Variants in MYH7B observed in about 807,000 individuals in gnomAD.
MYH7B encodes the protein myosin heavy chain 7B.
Under a neutral mutation model 234.5 loss-of-function variants are expected in MYH7B, and 205 were observed. That is an observed-to-expected ratio of 0.87 (90% CI 0.78 to 0.98). The LOEUF is 0.98. MYH7B is among the 50% of genes least tolerant of loss of function. MYH7B has a pLI of 0.00. For missense variants in MYH7B, 2,652 were observed against 2,633.4 expected (o/e 1.01, Z -0.15); for synonymous variants, 1,193 against 1,105.0 (o/e 1.08, Z -1.58).
intron 24 of MYH7B, 147 bp downstream of exon 24, chr20:34,991,268 C>G (rs1406372921): frequency 1.6e-6 from 1 of 621,564 alleles, no homozygotes; most frequent in East Asian, 2.8e-5. Flanking sequence ...CCCAGCAAGA[C>G]ATGGGGGTGG....
intron 8 of MYH7B, 23 bp from the exon 9 acceptor site, chr20:34,981,010 C>G: frequency 6.2e-7 from 1 of 1,614,118 alleles, no homozygotes; most frequent in Non-Finnish European, 8.5e-7. Flanking sequence ...GCTGACTTCT[C>G]TATCCCCTTC....
At chr20:34,979,081 A>C (rs1053497937) in intron 5 of MYH7B, among the ~76,000 whole-genome samples, 1 of 152,132 alleles carries the variant, frequency 6.6e-6, no homozygotes, top group African/African-American at 2.4e-5. Context: ...AACATTTTGC[A>C]TGTGAGGGAA....
In MYH7B at chr20:34,990,111, C is replaced by T. The variant is rs558187887; in HGVS notation, c.1865C>T (p.Ala622Val). The change falls in exon 21 of 45, where the codon GCG becomes GTG. Residue 622 changes from alanine (A) to valine (V), a missense_variant. Around this residue, in one of 3 missense-constraint regions of MYH7B, gnomAD observed 2,279 missense variants for 2,211.4 expected, o/e 1.03. Transcript: ENST00000262873. ...CAGAAGTCACAGAATAGGCTCCTGGCGACTCTCTATGAGAATTATGCGGGC... is the reference window on the plus strand; with the variant it reads ...CAGAAGTCACAGAATAGGCTCCTGGTGACTCTCTATGAGAATTATGCGGGC... 3.5e-5 allele frequency: 57 copies of T among 1,614,094 alleles called. No individual in the cohort carries two copies. Among genetic ancestry groups the T allele is most frequent in the South Asian group, 2.9e-4 (26 of 91,080 alleles).
intron 4 of MYH7B, 102 bp downstream of exon 4, chr20:34,977,782 G>C: frequency 6.6e-7 from 1 of 1,505,690 alleles, no homozygotes; most frequent in African/African-American, 1.4e-5. Flanking sequence ...AATCTGGAGT[G>C]GAGGAAGCCC....
intron 9 of MYH7B, 104 bp from the exon 10 acceptor site, chr20:34,982,355 G>C: frequency 3.1e-6 from 3 of 952,742 alleles, no homozygotes; most frequent in Admixed American, 4.0e-5. Flanking sequence ...GTTTCAAGCT[G>C]GGGGGAAGGA....
At chr20:34,999,064 T>C (rs1172477730) in exon 36 of MYH7B, 1 of 1,608,804 alleles carries the variant, frequency 6.2e-7, no homozygotes, top group Non-Finnish European at 8.5e-7. Context: ...AGAAAAAAGC[T>C]GGCACTGCGG....
At chr20:35,000,482 C>G in exon 39 of MYH7B, 1 of 1,600,936 alleles carries the variant, frequency 6.2e-7, no homozygotes, top group South Asian at 1.1e-5. Context: ...AGGCACAGCT[C>G]AAGGAGGAGC....
rs1051100352 is a variant in MYH7B at position 34,978,305 on chromosome 20, G to T, written c.91+209G>T. Among the ~76,000 whole-genome samples, 3 of 152,252 alleles carry T rather than the reference G, an allele frequency of 2.0e-5. No individual in the cohort carries two copies. In the East Asian group the frequency reaches 5.8e-4, roughly 29 times the overall value. Reference sequence around the variant, plus strand: ...CACTGTGTGTCTGTGAGCAAGCCTTGGTTTGTTCCCCTGTGAAATGGGATA... The same window carrying T: ...CACTGTGTGTCTGTGAGCAAGCCTTTGTTTGTTCCCCTGTGAAATGGGATA... On this transcript the variant is annotated intron_variant, in intron 5 of 44. Transcript: ENST00000262873.
chr20:35,000,115 G>A (rs562005715), intron 38 of MYH7B, among the ~76,000 whole-genome samples, 178 bp from the exon 39 acceptor site: 214 of 152,282 alleles, frequency 1.4e-3, no homozygotes, highest in Admixed American at 2.7e-3. Flanking sequence ...GTCTGCCTGG[G>A]CCTCACTCTT....
At chr20:34,988,319 A>C in intron 19 of MYH7B, 57 bp downstream of exon 19, 1 of 1,558,092 alleles carries the variant, frequency 6.4e-7, no homozygotes, top group South Asian at 1.2e-5. Context: ...GTGAGCAAGC[A>C]GGGATGGATG....
intron 2 of MYH7B, among the ~76,000 whole-genome samples, chr20:34,971,624 G>A (rs564015661): frequency 6.6e-6 from 1 of 152,206 alleles, no homozygotes; most frequent in Admixed American, 6.5e-5. Flanking sequence ...CCCCTTTCTG[G>A]GCCTCACCAC....
At chr20:34,979,333 T>A (rs2081903924) in intron 5 of MYH7B, 57 bp from the exon 6 acceptor site, 1 of 1,400,100 alleles carries the variant, frequency 7.1e-7, no homozygotes, top group Admixed American at 2.0e-5. Context: ...GAACTCCAGC[T>A]AGAACCTGGA....
chr20:34,990,439 C>A, intron 22 of MYH7B, 129 bp downstream of exon 22: 1 of 1,018,576 alleles, frequency 9.8e-7, no homozygotes, highest in Non-Finnish European at 1.6e-6. Flanking sequence ...AACTCCTCTC[C>A]ACGTGAACAT....
Position 34,999,563 on chromosome 20 carries a change from C to T in MYH7B, c.4541-8C>T. Reference sequence around the variant, plus strand: ...GGGGGTGGCCTCTCAGCACCCTGTCCACTGCAGAGGAGATCAGCGACCTCA... The same window carrying T: ...GGGGGTGGCCTCTCAGCACCCTGTCTACTGCAGAGGAGATCAGCGACCTCA... On this transcript the variant is annotated splice_polypyrimidine_tract_variant and splice_region_variant and intron_variant, in intron 36 of 44. Transcript: ENST00000262873. 22 of 1,595,710 alleles carry T rather than the reference C, an allele frequency of 1.4e-5. No individual in the cohort carries two copies. The highest frequency in any genetic ancestry group is 1.7e-5 in the Non-Finnish European group (20 of 1,171,092).
Position 34,996,608 on chromosome 20 carries a change from T to A in MYH7B, c.3121-5T>A, listed in dbSNP as rs2082264083. 1 of 1,609,464 alleles carries A rather than the reference T, an allele frequency of 6.2e-7. No homozygotes were observed. The highest frequency in any genetic ancestry group is 8.5e-7 in the Non-Finnish European group (1 of 1,178,144). ...TGGCTGACCCCTGCTGTGCCTGCTC[T>A]GCAGCTGGAATGCTCCCTGGAGCAG... On this transcript the variant is annotated splice_polypyrimidine_tract_variant and splice_region_variant and intron_variant, in intron 29 of 44. Coordinates refer to ENST00000262873, the Ensembl canonical transcript of MYH7B.
intron 30 of MYH7B, 34 bp from the exon 31 acceptor site, chr20:34,997,049 G>A (rs1191630833): frequency 7.2e-7 from 1 of 1,396,366 alleles, no homozygotes; most frequent in South Asian, 1.3e-5. Flanking sequence ...TGGGAGTTAA[G>A]GCCTGTGCTG....
At chr20:34,987,827 G>A in exon 18 of MYH7B, 3 of 1,613,984 alleles carry the variant, frequency 1.9e-6, no homozygotes, top group Non-Finnish European at 1.7e-6. Flanking sequence ...GGTGGCTGGT[G>A]TCTCGGATCA....
At chr20:34,964,264 G>A (rs1436538594) in intron 2 of MYH7B, among the ~76,000 whole-genome samples, 1 of 152,084 alleles carries the variant, frequency 6.6e-6, no homozygotes, top group Non-Finnish European at 1.5e-5. Flanking sequence ...GTCTAGTGAT[G>A]TGAAACGGTG....
intron 14 of MYH7B, 145 bp from the exon 15 acceptor site, chr20:34,986,741 C>A: frequency 1.5e-6 from 1 of 652,378 alleles, no homozygotes; most frequent in Admixed American, 2.5e-5. Flanking sequence ...GAAACTTAGG[C>A]CCCAGACTGG....
Sources: gnomAD v4.1 joint callset for allele counts (sites outside exome capture counted in the v4.1 genomes callset) on GRCh38, gnomAD v4.1.1 for gene constraint, gnomAD v4.1.1 regional missense constraint, MANE v1.5 for transcripts, NCBI Gene and HGNC (gene_info 2026-07-23, HGNC 2026-07-21) for gene names.